The following SLC39A8 variants were observed in gnomAD, a reference collection of about 807,000 sequenced individuals.
SLC39A8 encodes the protein metal cation symporter ZIP8.
Under a neutral mutation model 40.4 loss-of-function variants are expected in SLC39A8, and 15 were observed. That is an observed-to-expected ratio of 0.37 (90% CI 0.25 to 0.57). The LOEUF (loss-of-function observed/expected upper bound fraction) is 0.57. Among genes scored for constraint, SLC39A8 ranks in the 20% least tolerant of loss-of-function variants. The pLI is 0.75. For missense variants in SLC39A8, 472 were observed against 558.8 expected, an observed-to-expected ratio of 0.84 and a Z score of 1.57; for synonymous variants, 223 against 221.6, an observed-to-expected ratio of 1.01 and a Z score of -0.06.
At chr4:102,305,369 A>G (rs907938080) in intron 4 of SLC39A8, among the ~76,000 whole-genome samples, 5 of 151,954 alleles carry the variant, frequency 3.3e-5, no homozygotes, top group East Asian at 1.9e-4. Context: ...TTTCCCACCT[A>G]TAACACCTAC....
intron 8 of SLC39A8, among the ~76,000 whole-genome samples, chr4:102,265,618 A>G (rs1732064777): frequency 6.6e-6 from 1 of 152,226 alleles, no homozygotes; most frequent in Admixed American, 6.5e-5. Context: ...AAGTGCATCA[A>G]AGCAATGTGC....
intron 2 of SLC39A8, among the ~76,000 whole-genome samples, chr4:102,335,922 G>A (rs1340982988): frequency 6.6e-6 from 1 of 151,934 alleles, no homozygotes; most frequent in Admixed American, 6.6e-5. Flanking sequence ...TCTTTTAGTT[G>A]ACAGACGCTT....
At chr4:102,337,591 C>T (rs1451314436) in intron 2 of SLC39A8, among the ~76,000 whole-genome samples, 1 of 152,192 alleles carries the variant, frequency 6.6e-6, no homozygotes, top group African/African-American at 2.4e-5. Context: ...CCTACTCTTC[C>T]CTCCTTGCTT....
intron 2 of SLC39A8, among the ~76,000 whole-genome samples, chr4:102,330,543 C>CA (rs1560568010): frequency 6.6e-6 from 1 of 151,936 alleles, no homozygotes; most frequent in African/African-American, 2.4e-5. Flanking sequence ...GCCTACCAAT[C>CA]AAAAAAAGTC....
rs537719780 is a variant in SLC39A8 at position 102,273,396 on chromosome 4, A to T, written c.841-5317T>A. On this transcript the variant is annotated intron_variant, in intron 6 of 8. Transcript: ENST00000356736. ...CACTGTAGCCAGACTGCCTCTCTAGATTCCTCCTCTCTGGGCAAGGCATCT... is the reference window on the plus strand; with the variant it reads ...CACTGTAGCCAGACTGCCTCTCTAGTTTCCTCCTCTCTGGGCAAGGCATCT... 5.9e-5 allele frequency among the ~76,000 whole-genome samples: 9 copies of T among 152,242 alleles called. No individual in the cohort carries two copies. The East Asian group carries it at 1.5e-3, about 26-fold the overall frequency.
At chr4:102,261,096 G>A (rs775286443), downstream of SLC39A8, among the ~76,000 whole-genome samples, 1 of 151,718 alleles carries the variant, frequency 6.6e-6, no homozygotes, top group Non-Finnish European at 1.5e-5. Context: ...GGAAGGCAAA[G>A]TATCAGTGAG....
At chr4:102,258,692 T>C (rs1731770027), downstream of SLC39A8, among the ~76,000 whole-genome samples, 1 of 152,202 alleles carries the variant, frequency 6.6e-6, no homozygotes, top group Non-Finnish European at 1.5e-5. Context: ...ACAGATACTG[T>C]CAAAATGTTG....
downstream of SLC39A8, among the ~76,000 whole-genome samples, chr4:102,260,233 A>G (rs1731809851): frequency 6.6e-6 from 1 of 152,228 alleles, no homozygotes; most frequent in African/African-American, 2.4e-5. Flanking sequence ...TTAAACTGAT[A>G]CAAGCCTGTC....
intron 2 of SLC39A8, among the ~76,000 whole-genome samples, chr4:102,326,066 C>T (rs938307796): frequency 2.0e-5 from 3 of 152,202 alleles, no homozygotes; most frequent in Non-Finnish European, 2.9e-5. Flanking sequence ...CTTCCCACCC[C>T]TGACATGTCT....
chr4:102,325,604 A>G (rs1314002120), intron 2 of SLC39A8, among the ~76,000 whole-genome samples: 1 of 152,208 alleles, frequency 6.6e-6, no homozygotes, highest in African/African-American at 2.4e-5. Context: ...GCTGCTATAA[A>G]TAAGGATAAA....
chr4:102,304,173 G>A, intron 6 of SLC39A8, 144 bp downstream of exon 6: 1 of 559,438 alleles, frequency 1.8e-6, no homozygotes, highest in Admixed American at 3.6e-5. Flanking sequence ...AAACAATGCA[G>A]ACTTACATTC....
chr4:102,274,052 A>T (rs1732496906), intron 6 of SLC39A8, among the ~76,000 whole-genome samples: 1 of 152,234 alleles, frequency 6.6e-6, no homozygotes, highest in Non-Finnish European at 1.5e-5. Context: ...CCTCCAAAGG[A>T]TCACAACTCC....
At chr4:102,293,461 A>G (rs770082427) in intron 6 of SLC39A8, among the ~76,000 whole-genome samples, 3 of 152,042 alleles carry the variant, frequency 2.0e-5, no homozygotes, top group Admixed American at 6.6e-5. Context: ...GCTCTTCAAT[A>G]TGGATGCAGA....
intron 3 of SLC39A8, among the ~76,000 whole-genome samples, chr4:102,315,037 T>C (rs933197275): frequency 2.0e-5 from 3 of 152,180 alleles, no homozygotes; most frequent in African/African-American, 7.2e-5. Context: ...GTTTATCTCA[T>C]TGGTGAAAGT....
At chr4:102,300,090 TTCC>T (rs949562297) in intron 6 of SLC39A8, among the ~76,000 whole-genome samples, 4 of 151,994 alleles carry the variant, frequency 2.6e-5, no homozygotes, top group African/African-American at 9.7e-5. Flanking sequence ...TTCCTACATC[TTCC>T]TTTTTACCCC....
At chr4:102,300,672 C>T (rs1270431500) in intron 6 of SLC39A8, among the ~76,000 whole-genome samples, 2 of 151,828 alleles carry the variant, frequency 1.3e-5, no homozygotes, top group Admixed American at 6.6e-5. Context: ...CAGTGACAGC[C>T]GGGATTGTCA....
intron 6 of SLC39A8, among the ~76,000 whole-genome samples, chr4:102,271,817 G>A (rs1732375537): frequency 6.6e-6 from 1 of 152,192 alleles, no homozygotes; most frequent in South Asian, 2.1e-4. Context: ...CAAAGGAAGT[G>A]AGACAGTGGG....
chr4:102,296,849 C>T (rs1733698495), intron 6 of SLC39A8, among the ~76,000 whole-genome samples: 1 of 152,028 alleles, frequency 6.6e-6, no homozygotes, highest in Non-Finnish European at 1.5e-5. Flanking sequence ...GGGGCTCCAG[C>T]GAAAAACCTG....
At chr4:102,264,010 A>G (rs1731978987) in intron 8 of SLC39A8, among the ~76,000 whole-genome samples, 1 of 152,206 alleles carries the variant, frequency 6.6e-6, no homozygotes, top group Non-Finnish European at 1.5e-5. Context: ...GTCATCCATG[A>G]GGGTTGAAAT....
Sources: gnomAD v4.1 joint callset for allele counts (sites outside exome capture counted in the v4.1 genomes callset) on GRCh38, gnomAD v4.1.1 for gene constraint, MANE v1.5 for transcripts, NCBI Gene and HGNC (gene_info 2026-07-23, HGNC 2026-07-21) for gene names.